The following ADAM7 variants were observed in gnomAD, a reference collection of about 807,000 sequenced individuals.
ADAM7 encodes the protein ADAM metallopeptidase domain 7.
Under a neutral mutation model 102.9 loss-of-function variants are expected in ADAM7, and 97 were observed. That is an observed-to-expected ratio of 0.94 (90% CI 0.80 to 1.12). ADAM7 has a LOEUF of 1.12. ADAM7 is among the 50% of genes most tolerant of loss of function. ADAM7 has a pLI of 0.00. For missense variants in ADAM7, 991 were observed against 908.7 expected (o/e 1.09, Z -1.16); for synonymous variants, 334 against 304.4 (o/e 1.10, Z -1.01).
intron 8 of ADAM7, among the ~76,000 whole-genome samples, chr8:24,481,445 G>A (rs937176149): frequency 2.6e-5 from 4 of 152,050 alleles, no homozygotes; most frequent in African/African-American, 9.7e-5. Context: ...TACTTGTACT[G>A]ACTATTGTAG....
At chr8:24,452,013 G>T (rs1031263378) in intron 3 of ADAM7, among the ~76,000 whole-genome samples, 26 of 152,338 alleles carry the variant, frequency 1.7e-4, no homozygotes, top group African/African-American at 5.8e-4. Context: ...TGGTCTGAGA[G>T]ACAGTTTGTT....
At chr8:24,489,400 T>C (rs1440910646) in intron 12 of ADAM7, 67 bp downstream of exon 12, 2 of 1,443,452 alleles carry the variant, frequency 1.4e-6, no homozygotes, top group Non-Finnish European at 1.9e-6. Context: ...GGCAGGGATG[T>C]GGCCATTAAT....
intron 15 of ADAM7, among the ~76,000 whole-genome samples, 172 bp downstream of exon 15, chr8:24,492,769 TA>T (rs1428562412): frequency 9.2e-5 from 14 of 152,104 alleles, no homozygotes; most frequent in Admixed American, 1.3e-4. Context: ...AAATTACTAA[TA>T]AAAAAATATT....
In ADAM7 at chr8:24,508,554, G is replaced by T; in HGVS notation, c.*8G>T. 2 of 1,613,556 alleles carry T rather than the reference G, an allele frequency of 1.2e-6. No homozygotes were observed. Among genetic ancestry groups the T allele is most frequent in the Non-Finnish European group, 1.7e-6 (2 of 1,179,716 alleles). The stretch of plus-strand genomic sequence containing the variant: ...CATCTGTTTCTATTTAGAGCTTGAA[G>T]TTGGATATCCAAAATGGCCGTGCAA... On this transcript the variant is annotated 3_prime_UTR_variant, in exon 22 of 22. Coordinates refer to ENST00000175238, the MANE Select transcript of ADAM7 (RefSeq NM_003817.4).
chr8:24,481,540 T>C (rs1819951610), intron 8 of ADAM7, among the ~76,000 whole-genome samples: 1 of 152,194 alleles, frequency 6.6e-6, no homozygotes, highest in Non-Finnish European at 1.5e-5. Flanking sequence ...TGTCCTGGCA[T>C]AAAAGTACCT....
chr8:24,492,458 C>T, intron 14 of ADAM7, 37 bp from the exon 15 acceptor site: 1 of 1,409,728 alleles, frequency 7.1e-7, no homozygotes, highest in South Asian at 1.3e-5. Flanking sequence ...GATAGTCATG[C>T]TTTATTGTTT....
Position 24,508,650 on chromosome 8 carries a change from T to C in ADAM7, c.*104T>C. The stretch of plus-strand genomic sequence containing the variant: ...AGATATCTGCTACTCACATTTTTGG[T>C]AGTGTTTCAAACGTTCTTTATCCAG... On this transcript the variant is annotated 3_prime_UTR_variant, in exon 22 of 22. Transcript: ENST00000175238. 6.3e-7 allele frequency: 1 copy of C among 1,589,338 alleles called. No homozygotes were observed. Among genetic ancestry groups the C allele is most frequent in the South Asian group, 1.1e-5 (1 of 87,730 alleles).
chr8:24,446,164 T>A (rs528204575), intron 2 of ADAM7, among the ~76,000 whole-genome samples: 10 of 152,240 alleles, frequency 6.6e-5, no homozygotes, highest in African/African-American at 1.7e-4. Context: ...CAACTGTGAA[T>A]CTTAAATTAT....
At position 24,508,555 on chromosome 8, in the gene ADAM7, T is replaced by C. The variant is rs760525070; in HGVS notation, c.*9T>C. On this transcript the variant is annotated 3_prime_UTR_variant, in exon 22 of 22. Coordinates refer to ENST00000175238, the MANE Select transcript of ADAM7 (RefSeq NM_003817.4). The stretch of plus-strand genomic sequence containing the variant: ...ATCTGTTTCTATTTAGAGCTTGAAG[T>C]TGGATATCCAAAATGGCCGTGCAAG... 1.9e-6 allele frequency: 3 copies of C among 1,613,524 alleles called. No individual in the cohort carries two copies. Among genetic ancestry groups the C allele is most frequent in the African/African-American group, 2.7e-5 (2 of 74,910 alleles).
chr8:24,488,063 C>G (rs75399778), intron 11 of ADAM7, among the ~76,000 whole-genome samples: 3,745 of 152,260 alleles, frequency 0.025, 168 homozygotes, highest in African/African-American at 0.087. Context: ...AACTCCCACT[C>G]CATTTGTTTT....
chr8:24,486,022 GTTATT>G (rs1820133055), intron 10 of ADAM7, among the ~76,000 whole-genome samples: 1 of 152,086 alleles, frequency 6.6e-6, no homozygotes, highest in Non-Finnish European at 1.5e-5. Context: ...TTATTATATA[GTTATT>G]TTGTGTGTAT....
intron 7 of ADAM7, among the ~76,000 whole-genome samples, chr8:24,470,888 A>G (rs1037964856): frequency 6.6e-6 from 1 of 152,202 alleles, no homozygotes; most frequent in Non-Finnish European, 1.5e-5. Flanking sequence ...TAACTGTAAA[A>G]TAGCTTAGGT....
chr8:24,476,373 G>A (rs770065361), intron 7 of ADAM7, 60 bp from the exon 8 acceptor site: 11 of 1,283,734 alleles, frequency 8.6e-6, no homozygotes, highest in Non-Finnish European at 1.1e-5. Flanking sequence ...GAAGTATTTT[G>A]TTGAGCTTTT....
intron 3 of ADAM7, among the ~76,000 whole-genome samples, chr8:24,447,930 AT>A (rs1475754354): frequency 2.2e-5 from 3 of 135,136 alleles, no homozygotes; most frequent in Non-Finnish European, 3.1e-5. Flanking sequence ...CTAAAAGTAA[AT>A]AACAAAACAC....
intron 7 of ADAM7, among the ~76,000 whole-genome samples, chr8:24,473,137 TAAAC>T (rs757734814): frequency 6.6e-6 from 1 of 152,188 alleles, no homozygotes; most frequent in Non-Finnish European, 1.5e-5. Flanking sequence ...AAGTTTTTTA[TAAAC>T]AAACAACCTT....
At chr8:24,449,616 A>C (rs377253976) in intron 3 of ADAM7, among the ~76,000 whole-genome samples, 1 of 152,040 alleles carries the variant, frequency 6.6e-6, no homozygotes, top group Non-Finnish European at 1.5e-5. Context: ...TCACTCTGAT[A>C]GTAGTTTCTT....
At chr8:24,451,382 GGT>G (rs1298496999) in intron 3 of ADAM7, among the ~76,000 whole-genome samples, 3 of 152,086 alleles carry the variant, frequency 2.0e-5, no homozygotes, top group Non-Finnish European at 4.4e-5. Context: ...GTCTTGGGAG[GGT>G]TATGTGTCAA....
At chr8:24,492,204 A>G in intron 14 of ADAM7, 106 bp downstream of exon 14, 1 of 1,156,382 alleles carries the variant, frequency 8.6e-7, no homozygotes, top group Non-Finnish European at 1.2e-6. Context: ...CATTTGTGGC[A>G]TTATTCCAAG....
intron 10 of ADAM7, 116 bp downstream of exon 10, chr8:24,485,477 T>G: frequency 1.3e-6 from 1 of 771,864 alleles, no homozygotes; most frequent in Non-Finnish European, 2.0e-6. Context: ...CACTAAGATA[T>G]GTCATGAACA....
Sources: gnomAD v4.1 joint callset for allele counts (sites outside exome capture counted in the v4.1 genomes callset) on GRCh38, gnomAD v4.1.1 for gene constraint, MANE v1.5 for transcripts, NCBI Gene and HGNC (gene_info 2026-07-23, HGNC 2026-07-21) for gene names.